Variants in EYS observed in about 807,000 individuals in gnomAD.
EYS encodes the protein EGF-like photoreceptor maintenance factor.
A neutral mutation model predicts 282.1 loss-of-function variants in EYS; 250 were observed. The ratio of observed to expected loss-of-function variants is 0.89; its 90% CI spans 0.80 to 0.98. The LOEUF (loss-of-function observed/expected upper bound fraction) is 0.98, where lower values mean the gene tolerates loss of function less well. EYS is among the 50% of genes least tolerant of loss of function. The pLI, the probability that EYS is intolerant of heterozygous loss-of-function variation, is 0.00. For missense variants in EYS, 4,016 were observed against 3,709.0 expected, an observed-to-expected ratio of 1.08 and a Z score of -2.15; for synonymous variants, 1,355 against 1,282.9, an observed-to-expected ratio of 1.06 and a Z score of -1.20.
intron 12 of EYS, 21 bp from the exon 13 acceptor site, chr6:65,057,748 A>C: frequency 6.9e-7 from 1 of 1,442,766 alleles, no homozygotes. Flanking sequence ...TAGGAAAAAA[A>C]AATGTTAAGT....
chr6:63,900,125 G>C (rs1427477481), intron 35 of EYS, among the ~76,000 whole-genome samples: 1 of 151,826 alleles, frequency 6.6e-6, no homozygotes, highest in African/African-American at 2.4e-5. Context: ...TTTTTTACCT[G>C]CTACTTCTTT....
At chr6:65,554,918 C>A (rs1375781000) in intron 2 of EYS, among the ~76,000 whole-genome samples, 2 of 151,962 alleles carry the variant, frequency 1.3e-5, no homozygotes, top group Admixed American at 1.3e-4. Flanking sequence ...CACTACAAAA[C>A]TCTTAATTTG....
chr6:64,989,529 T>C (rs1770984977), intron 14 of EYS, among the ~76,000 whole-genome samples: 1 of 137,396 alleles, frequency 7.3e-6, no homozygotes, highest in South Asian at 2.2e-4. Context: ...AATTATAATA[T>C]ATATTATGTT....
intron 7 of EYS, among the ~76,000 whole-genome samples, chr6:65,388,382 T>C (rs1393614424): frequency 6.6e-6 from 1 of 151,972 alleles, no homozygotes; most frequent in East Asian, 1.9e-4. Flanking sequence ...AGGTGCTATA[T>C]AATTAATAAA....
rs142378217 is a variant in EYS at position 65,630,982 on chromosome 6, A to G, written c.-333+8796T>C. Among the ~76,000 whole-genome samples the G allele has an allele frequency of 8.0e-4, 122 of 152,332 alleles. 1 individual carries two copies. The highest frequency in any genetic ancestry group is 2.2e-3 in the African/African-American group (90 of 41,576). ...ATGTGTATTCTTTAATGCATTTTAA[A>G]AAGTAATATATTGGTTGTAAATATT... On this transcript the variant is annotated intron_variant, in intron 2 of 42. Coordinates refer to ENST00000503581, the MANE Select transcript of EYS (RefSeq NM_001142800.2).
intron 12 of EYS, among the ~76,000 whole-genome samples, chr6:65,126,348 C>T (rs1316977143): frequency 6.6e-6 from 1 of 152,094 alleles, no homozygotes; most frequent in Non-Finnish European, 1.5e-5. Flanking sequence ...ATATCAGCAA[C>T]AATAATAAAT....
chr6:64,513,084 A>G (rs897272995), intron 26 of EYS, among the ~76,000 whole-genome samples: 2 of 151,890 alleles, frequency 1.3e-5, no homozygotes, highest in South Asian at 2.1e-4. Context: ...TTATACTTCT[A>G]TATAAACAGT....
At chr6:64,498,905 A>C (rs917917883) in intron 26 of EYS, among the ~76,000 whole-genome samples, 6 of 152,188 alleles carry the variant, frequency 3.9e-5, no homozygotes. Flanking sequence ...GCAATCATAA[A>C]TCATGCTGCA....
intron 11 of EYS, among the ~76,000 whole-genome samples, chr6:65,318,348 C>G (rs1769372143): frequency 6.6e-6 from 1 of 151,434 alleles, no homozygotes; most frequent in African/African-American, 2.4e-5. Context: ...GGAAATTATA[C>G]TCTTTCAAAG....
intron 31 of EYS, among the ~76,000 whole-genome samples, chr6:64,185,778 GTCA>G (rs1343974187): frequency 1.3e-5 from 2 of 152,074 alleles, no homozygotes; most frequent in African/African-American, 2.4e-5. Flanking sequence ...GAAAATAATT[GTCA>G]TCATCTTTGT....
intron 26 of EYS, among the ~76,000 whole-genome samples, chr6:64,585,414 C>A (rs1463085290): frequency 6.6e-6 from 1 of 152,080 alleles, no homozygotes; most frequent in Non-Finnish European, 1.5e-5. Flanking sequence ...ACCTCAGCAT[C>A]ACACAATACA....
intron 15 of EYS, among the ~76,000 whole-genome samples, chr6:64,939,011 T>C (rs1247447964): frequency 6.6e-6 from 1 of 151,744 alleles, no homozygotes; most frequent in Non-Finnish European, 1.5e-5. Flanking sequence ...CTCAATAAAA[T>C]TATTATTTAG....
intron 29 of EYS, among the ~76,000 whole-genome samples, chr6:64,386,351 C>T (rs1452513421): frequency 6.6e-6 from 1 of 152,162 alleles, no homozygotes; most frequent in Non-Finnish European, 1.5e-5. Context: ...TGAGGCCTCA[C>T]AATCACAGTG....
rs114931341 is a variant in EYS, at chr6:63,817,234, T to C, written c.7229-10862A>G. ...ACAAGAGATAGTCAAAAGGAAAGAC[T>C]TGATACAGGGAGCTAATTATGAAGG... On this transcript the variant is annotated intron_variant, in intron 36 of 42. Transcript: ENST00000503581. 2.2e-3 allele frequency among the ~76,000 whole-genome samples: 336 copies of C among 152,336 alleles called. 1 individual carries two copies. The highest frequency in any genetic ancestry group is 7.6e-3 in the African/African-American group (315 of 41,562).
At chr6:64,916,327 C>T (rs953545127) in intron 15 of EYS, among the ~76,000 whole-genome samples, 2 of 152,108 alleles carry the variant, frequency 1.3e-5, no homozygotes, top group African/African-American at 4.8e-5. Context: ...TAACAGGTGG[C>T]CTAAGACCTC....
chr6:65,265,192 C>T (rs1767719947), intron 12 of EYS, among the ~76,000 whole-genome samples: 1 of 151,978 alleles, frequency 6.6e-6, no homozygotes, highest in African/African-American at 2.4e-5. Flanking sequence ...ACTTCAGTAT[C>T]ATGCCCTATA....
intron 22 of EYS, among the ~76,000 whole-genome samples, chr6:64,780,686 C>G (rs902805750): frequency 6.6e-6 from 1 of 152,084 alleles, no homozygotes; most frequent in Non-Finnish European, 1.5e-5. Flanking sequence ...AATAATCCTG[C>G]AATGAAAGGC....
chr6:64,594,600 C>T (rs1193166170), intron 24 of EYS, among the ~76,000 whole-genome samples: 2 of 148,866 alleles, frequency 1.3e-5, no homozygotes, highest in East Asian at 4.0e-4. Context: ...GACAAAAAAC[C>T]AAACACTGCA....
chr6:64,163,806 C>G (rs922658843), intron 31 of EYS, among the ~76,000 whole-genome samples: 5 of 151,914 alleles, frequency 3.3e-5, no homozygotes, highest in African/African-American at 9.7e-5. Context: ...ACTTTGGAAT[C>G]CATTTTAACT....
Sources: allele counts gnomAD v4.1 joint callset (sites outside exome capture counted in the v4.1 genomes callset), GRCh38; gene constraint gnomAD v4.1.1; transcripts MANE v1.5; gene names NCBI Gene and HGNC (gene_info 2026-07-23, HGNC 2026-07-21).